Variants in CAMK2D observed in about 807,000 individuals in gnomAD.
The protein encoded by CAMK2D is calcium/calmodulin-dependent protein kinase type II subunit delta.
Under a neutral mutation model 84.0 loss-of-function variants are expected in CAMK2D, and 37 were observed. That is an observed-to-expected ratio of 0.44 (90% CI 0.34 to 0.58). The LOEUF is 0.58. Among genes scored for constraint, CAMK2D ranks in the 20% least tolerant of loss-of-function variants. The pLI, the probability that CAMK2D is intolerant of heterozygous loss-of-function variation, is 0.02. For synonymous variants in CAMK2D, 202 were observed against 212.5 expected (o/e 0.95, Z 0.43); for missense variants, 448 against 652.5 (o/e 0.69, Z 3.41).
At chr4:113,576,847 C>T (rs2098785475) in intron 4 of CAMK2D, among the ~76,000 whole-genome samples, 1 of 152,074 alleles carries the variant, frequency 6.6e-6, no homozygotes, top group African/African-American at 2.4e-5. Context: ...CATTCTCATG[C>T]ACCCTTCTAA....
At chr4:113,468,043 G>A (rs561947083) in intron 16 of CAMK2D, among the ~76,000 whole-genome samples, 2 of 151,898 alleles carry the variant, frequency 1.3e-5, no homozygotes, top group East Asian at 1.9e-4. Context: ...AACGTCCTTC[G>A]TGGAGCTTCA....
intron 16 of CAMK2D, among the ~76,000 whole-genome samples, chr4:113,482,261 G>A (rs1016868589): frequency 6.6e-6 from 1 of 152,170 alleles, no homozygotes; most frequent in Admixed American, 6.5e-5. Context: ...TGGAGTTGGT[G>A]AGCAGCAGTC....
intron 2 of CAMK2D, among the ~76,000 whole-genome samples, chr4:113,740,350 C>T (rs1462009323): frequency 6.7e-6 from 1 of 149,572 alleles, no homozygotes; most frequent in African/African-American, 2.5e-5. Flanking sequence ...TATGGATGCA[C>T]CTTGAAAGTA....
chr4:113,670,196 C>T (rs1373210344), intron 2 of CAMK2D, among the ~76,000 whole-genome samples: 5 of 152,032 alleles, frequency 3.3e-5, no homozygotes, highest in Non-Finnish European at 7.4e-5. Flanking sequence ...GCAGGAGAAT[C>T]GCTTCAACCC....
intron 14 of CAMK2D, among the ~76,000 whole-genome samples, chr4:113,503,858 C>G (rs1049805816): frequency 6.6e-6 from 1 of 152,162 alleles, no homozygotes; most frequent in African/African-American, 2.4e-5. Context: ...ATGCTTGGCA[C>G]TTTCATTGTG....
At chr4:113,500,196 A>AT (rs2098014512) in intron 16 of CAMK2D, among the ~76,000 whole-genome samples, 5 of 152,144 alleles carry the variant, frequency 3.3e-5, no homozygotes, top group Admixed American at 2.6e-4. Flanking sequence ...GTAACTCATT[A>AT]TTAGTTGTCA....
At chr4:113,708,958 G>A (rs2099475022) in intron 2 of CAMK2D, among the ~76,000 whole-genome samples, 1 of 152,100 alleles carries the variant, frequency 6.6e-6, no homozygotes, top group Non-Finnish European at 1.5e-5. Context: ...CTGGCCTCAA[G>A]TGATCTACCC....
At chr4:113,595,072 T>A (rs2154254431) in intron 4 of CAMK2D, among the ~76,000 whole-genome samples, 1 of 151,994 alleles carries the variant, frequency 6.6e-6, no homozygotes, top group East Asian at 1.9e-4. Flanking sequence ...AGAAAAAATC[T>A]TTACAAAGAT....
At chr4:113,472,575 G>A (rs28681266) in intron 16 of CAMK2D, among the ~76,000 whole-genome samples, 50,973 of 152,124 alleles carry the variant, frequency 0.34, 8,850 homozygotes, top group Middle Eastern at 0.4. Flanking sequence ...TTTAGATTTT[G>A]GATTAATCAG....
At chr4:113,557,487 T>G (rs1403662400) in intron 4 of CAMK2D, among the ~76,000 whole-genome samples, 2 of 152,196 alleles carry the variant, frequency 1.3e-5, no homozygotes, top group Admixed American at 6.5e-5. Flanking sequence ...TTCCGGGAAT[T>G]CCCAAGAACA....
chr4:113,641,364 T>C (rs1225163699), intron 3 of CAMK2D, among the ~76,000 whole-genome samples: 1 of 152,210 alleles, frequency 6.6e-6, no homozygotes, highest in Non-Finnish European at 1.5e-5. Flanking sequence ...GAGCACATAG[T>C]AAAGGCTCGA....
intron 3 of CAMK2D, among the ~76,000 whole-genome samples, chr4:113,635,640 C>T (rs1163095446): frequency 6.6e-6 from 1 of 152,162 alleles, no homozygotes; most frequent in Non-Finnish European, 1.5e-5. Flanking sequence ...AATACTTGTA[C>T]TTAACCCTTA....
intron 3 of CAMK2D, among the ~76,000 whole-genome samples, chr4:113,627,536 A>G (rs1395329950): frequency 1.3e-5 from 2 of 152,188 alleles, no homozygotes; most frequent in Non-Finnish European, 2.9e-5. Context: ...ATTCATTGAC[A>G]TTGAACCCAC....
rs571680849 is a variant in CAMK2D at position 113,754,665 on chromosome 4, T to A, written c.160+4655A>T. 2.6e-4 allele frequency: 255 copies of A among 973,580 alleles called. No homozygotes were observed. The African/African-American group carries it at 4.4e-3, about 17-fold the overall frequency. 60.3% of individuals were successfully genotyped at this position (973,580 alleles called of 1,614,324 possible). On this transcript the variant is annotated intron_variant, in intron 2 of 20. Transcript: ENST00000511664. ...TACAGAAAAGAATTCTATTATTTCC[T>A]GGAAGTGTGGATATACTTTTTTTTT...
At chr4:113,697,830 C>A (rs1278083997) in intron 2 of CAMK2D, among the ~76,000 whole-genome samples, 1 of 152,050 alleles carries the variant, frequency 6.6e-6, no homozygotes, top group East Asian at 1.9e-4. Context: ...CTCCGAAGAA[C>A]AAATGCAGAA....
At chr4:113,470,645 G>GAAAAAAAAAAAAAAAAAAAAAAAAAA (rs58054814) in intron 16 of CAMK2D, among the ~76,000 whole-genome samples, 1 of 139,462 alleles carries the variant, frequency 7.2e-6, no homozygotes. Flanking sequence ...TCAAAAAAAA[G>GAAAAAAAAAAAAAAAAAAAAAAAAAA]AAAAAAAAAA....
chr4:113,641,684 G>T (rs1002200675), intron 3 of CAMK2D, among the ~76,000 whole-genome samples: 3 of 152,182 alleles, frequency 2.0e-5, no homozygotes, highest in African/African-American at 7.2e-5. Context: ...TTGAAAACCT[G>T]TATCACAATC....
intron 4 of CAMK2D, among the ~76,000 whole-genome samples, chr4:113,599,277 G>A (rs1374073852): frequency 6.6e-6 from 1 of 152,186 alleles, no homozygotes; most frequent in East Asian, 1.9e-4. Flanking sequence ...AATACTGGCA[G>A]TGTTTTAGAA....
intron 3 of CAMK2D, among the ~76,000 whole-genome samples, chr4:113,619,835 A>C (rs988770120): frequency 6.6e-6 from 1 of 152,188 alleles, no homozygotes; most frequent in Non-Finnish European, 1.5e-5. Context: ...TGAAAATACA[A>C]ACCCCTTTAC....
Sources: allele counts gnomAD v4.1 joint callset (sites outside exome capture counted in the v4.1 genomes callset), GRCh38; gene constraint gnomAD v4.1.1; transcripts MANE v1.5; gene names NCBI Gene and HGNC (gene_info 2026-07-23, HGNC 2026-07-21).